The following FBXL2 variants were observed in gnomAD, a reference collection of about 807,000 sequenced individuals.
The protein encoded by FBXL2 is F-box and leucine rich repeat protein 2.
In FBXL2, 38 loss-of-function variants were observed where a neutral mutation model predicts 69.2. The ratio of observed to expected loss-of-function variants is 0.55; its 90% CI spans 0.42 to 0.72. The LOEUF (loss-of-function observed/expected upper bound fraction) is 0.72. Ranked by LOEUF, FBXL2 falls within the 30% of genes least tolerant of loss-of-function variation. The pLI is 0.00. For missense variants in FBXL2, 354 were observed against 520.3 expected, an observed-to-expected ratio of 0.68 and a Z score of 3.11; for synonymous variants, 192 against 201.3, an observed-to-expected ratio of 0.95 and a Z score of 0.39.
intron 2 of FBXL2, among the ~76,000 whole-genome samples, 172 bp from the exon 3 acceptor site, chr3:33,358,795 T>A (rs1487995192): frequency 6.6e-6 from 1 of 152,268 alleles, no homozygotes; most frequent in Non-Finnish European, 1.5e-5. Flanking sequence ...ATGCAAACAC[T>A]TAATATTTCA....
At chr3:33,365,403 C>A (rs1175177970) in intron 5 of FBXL2, among the ~76,000 whole-genome samples, 1 of 151,956 alleles carries the variant, frequency 6.6e-6, no homozygotes, top group African/African-American at 2.4e-5. Flanking sequence ...CCTCAGCCTC[C>A]TGAGTAGCTG....
At chr3:33,343,635 GTAA>G (rs2040232155) in intron 2 of FBXL2, among the ~76,000 whole-genome samples, 1 of 152,010 alleles carries the variant, frequency 6.6e-6, no homozygotes, top group Non-Finnish European at 1.5e-5. Flanking sequence ...CTAGTCATGT[GTAA>G]TAATAATTAT....
intron 2 of FBXL2, among the ~76,000 whole-genome samples, chr3:33,346,822 A>G (rs1321210117): frequency 7.4e-6 from 1 of 135,502 alleles, no homozygotes; most frequent in Non-Finnish European, 1.5e-5. Flanking sequence ...CTCTGTGTTC[A>G]GATTTAAAAA....
intron 5 of FBXL2, among the ~76,000 whole-genome samples, chr3:33,371,307 G>A (rs1281164181): frequency 3.3e-5 from 5 of 151,226 alleles, no homozygotes; most frequent in Admixed American, 6.6e-5. Context: ...TGGAACTACA[G>A]GCATGTGCCA....
In FBXL2 at chr3:33,386,391, CTG is replaced by C. The variant is rs1491513834; in HGVS notation, c.*784_*785del. 6.6e-6 allele frequency: 1 copy of C among 152,142 alleles called. No homozygotes were observed. The highest frequency in any genetic ancestry group is 1.5e-5 in the Non-Finnish European group (1 of 68,030). 9.4% of individuals were successfully genotyped at this position (152,142 alleles called of 1,614,324 possible). A position where few individuals can be genotyped will look rare whatever the true frequency, so the allele number is the denominator to read the frequency against. Reference sequence around the variant, plus strand: ...AATTATGTCCATGCCTCTCGTAAAACTGGGGGGAACCTTAAAGAGAAAGAACT... The same window carrying C: ...AATTATGTCCATGCCTCTCGTAAAACGGGGGAACCTTAAAGAGAAAGAACT... On this transcript the variant is annotated 3_prime_UTR_variant, in exon 15 of 15. Transcript: ENST00000484457.
downstream of FBXL2, chr3:33,390,039 G>A (rs1217602149): frequency 1.3e-5 from 5 of 380,404 alleles, no homozygotes; most frequent in Admixed American, 2.1e-4. Context: ...CTGCTTCTAG[G>A]AACTGTATTT....
At chr3:33,393,721 A>C (rs1407916780) in intron 12 of FBXL2, among the ~76,000 whole-genome samples, 1 of 152,196 alleles carries the variant, frequency 6.6e-6, no homozygotes, top group African/African-American at 2.4e-5. Flanking sequence ...AAAAGATTTG[A>C]GGTTTGAATT....
intron 12 of FBXL2, chr3:33,393,535 G>A (rs2043851435): frequency 2.9e-6 from 4 of 1,388,356 alleles, no homozygotes; most frequent in South Asian, 1.5e-5. Flanking sequence ...GGATCTGTAC[G>A]AAGGTCACAC....
rs191905546 is a variant in FBXL2, at chr3:33,327,355, A to G, written c.65+29630A>G. Among the ~76,000 whole-genome samples, 519 of 152,244 alleles carry G rather than the reference A, an allele frequency of 3.4e-3. 1 individual carries two copies. Among genetic ancestry groups the G allele is most frequent in the Non-Finnish European group, 5.5e-3 (373 of 68,000 alleles). ...TTGAACCATAGCCTATTGACTTCAA[A>G]TATCTTGTTCTTTCCTCTATACGTT... On this transcript the variant is annotated intron_variant, in intron 2 of 14. Transcript: ENST00000484457.
At chr3:33,322,064 A>ATTTTTTTTT (rs34703817) in intron 2 of FBXL2, among the ~76,000 whole-genome samples, 3 of 62,480 alleles carry the variant, frequency 4.8e-5, no homozygotes, top group African/African-American at 2.3e-4. Context: ...TGACTAGGTG[A>ATTTTTTTTT]TTTTTTTTTT....
downstream of FBXL2, chr3:33,388,768 G>C (rs966659530): frequency 1.3e-5 from 2 of 152,136 alleles, no homozygotes; most frequent in Non-Finnish European, 2.9e-5. Flanking sequence ...TTTTCAAATC[G>C]ATGATGAAAA....
chr3:33,388,129 G>GTTAGT (rs1207146370), downstream of FBXL2: 1 of 137,400 alleles, frequency 7.3e-6, no homozygotes, highest in East Asian at 2.1e-4. Flanking sequence ...GAATAGTTTA[G>GTTAGT]TTAGTTAGTT....
chr3:33,400,042 G>T, intron 12 of FBXL2: 1 of 447,542 alleles, frequency 2.2e-6, no homozygotes, highest in Non-Finnish European at 3.8e-6. Context: ...CCTATTGGGG[G>T]ATAGATATAA....
At chr3:33,422,625 T>G in the FBXL2 span, among the ~76,000 whole-genome samples, 7 of 151,768 alleles carry the variant, frequency 4.6e-5, no homozygotes, top group African/African-American at 1.4e-4. Flanking sequence ...CTCAGGAGGC[T>G]AGGGTGGGTG....
downstream of FBXL2, among the ~76,000 whole-genome samples, chr3:33,405,677 T>C (rs2044399532): frequency 6.6e-6 from 1 of 152,138 alleles, no homozygotes; most frequent in South Asian, 2.1e-4. Context: ...CTTGGATCAC[T>C]TGAGCCAAGG....
At chr3:33,282,377 G>C (rs1463533333) in intron 1 of FBXL2, among the ~76,000 whole-genome samples, 2 of 152,110 alleles carry the variant, frequency 1.3e-5, no homozygotes, top group South Asian at 2.1e-4. Flanking sequence ...TGTTATTTCT[G>C]AGGGCTCTGT....
intron 2 of FBXL2, among the ~76,000 whole-genome samples, chr3:33,345,562 C>T (rs1022288901): frequency 6.6e-6 from 1 of 152,144 alleles, no homozygotes; most frequent in Non-Finnish European, 1.5e-5. Flanking sequence ...AACTGATAGA[C>T]ATTTATAGAA....
chr3:33,278,843 T>C (rs892600909), intron 1 of FBXL2, among the ~76,000 whole-genome samples: 16 of 152,246 alleles, frequency 1.1e-4, no homozygotes, highest in African/African-American at 3.6e-4. Context: ...GTGTTTCAAA[T>C]ATTGCAGTAA....
the FBXL2 span, among the ~76,000 whole-genome samples, chr3:33,413,569 T>TG: frequency 1.5e-3 from 226 of 149,848 alleles, 2 homozygotes; most frequent in Middle Eastern, 0.01. Flanking sequence ...AAAAAAACTT[T>TG]GAGTTTTGAA....
Sources: gnomAD v4.1 joint callset for allele counts (sites outside exome capture counted in the v4.1 genomes callset) on GRCh38, gnomAD v4.1.1 for gene constraint, MANE v1.5 for transcripts, NCBI Gene and HGNC (gene_info 2026-07-23, HGNC 2026-07-21) for gene names.